KIAA0930: variants seen among roughly 807,000 people sequenced by gnomAD.
The protein encoded by KIAA0930 is uncharacterized protein KIAA0930.
A neutral mutation model predicts 43.9 loss-of-function variants in KIAA0930; 24 were observed. The observed-to-expected ratio is 0.55, with a 90% CI of 0.40 to 0.77. The LOEUF (loss-of-function observed/expected upper bound fraction) is 0.77, where lower values mean the gene tolerates loss of function less well. Among genes scored for constraint, KIAA0930 ranks in the 30% least tolerant of loss-of-function variants. KIAA0930 has a pLI of 0.00. For synonymous variants in KIAA0930, 259 were observed against 216.4 expected, an observed-to-expected ratio of 1.20 and a Z score of -1.73; for missense variants, 461 against 574.2, an observed-to-expected ratio of 0.80 and a Z score of 2.02.
chr22:45,205,700 T>C lies in KIAA0930; in HGVS notation c.344A>G (p.Tyr115Cys). The stretch of plus-strand genomic sequence containing the variant: ...TGTGCACACCGCACAGGTCACCATG[T>C]AGTCCAGCTGGAAGAGAGCACGGGT... Reference protein sequence around the residue: ...CLNLILQKLDYMVTCAVCTRA... With the variant: ...CLNLILQKLDCMVTCAVCTRA... The change falls in exon 4 of 10, where the codon TAC becomes TGC. Residue 115 changes from tyrosine to cysteine, a missense_variant. Coordinates refer to ENST00000336156, the MANE Select transcript of KIAA0930 (RefSeq NM_001009880.2). 6.2e-7 allele frequency: 1 copy of C among 1,614,136 alleles called. No homozygotes were observed. Among genetic ancestry groups the C allele is most frequent in the Middle Eastern group, 1.6e-4 (1 of 6,062 alleles).
At chr22:45,198,924 T>C (rs2083561313) in intron 8 of KIAA0930, among the ~76,000 whole-genome samples, 1 of 152,212 alleles carries the variant, frequency 6.6e-6, no homozygotes, top group African/African-American at 2.4e-5. Flanking sequence ...GTGCTGGAAT[T>C]ACAGGGGTGA....
At chr22:45,200,151 G>GCTGGCCCAGGAGGACC (rs2083574600) in intron 7 of KIAA0930, 116 bp from the exon 8 acceptor site, 1 of 1,091,436 alleles carries the variant, frequency 9.2e-7, no homozygotes, top group African/African-American at 1.7e-5. Context: ...GGAAGAGGCC[G>GCTGGCCCAGGAGGACC]CTGGCCCAGG....
chr22:45,225,957 C>T (rs999757994), intron 1 of KIAA0930, among the ~76,000 whole-genome samples: 1 of 152,264 alleles, frequency 6.6e-6, no homozygotes, highest in Non-Finnish European at 1.5e-5. Context: ...TGCAAAGCCA[C>T]GCTCCTGGCT....
At chr22:45,236,730 C>G (rs572844882) in intron 1 of KIAA0930, among the ~76,000 whole-genome samples, 6 of 152,328 alleles carry the variant, frequency 3.9e-5, no homozygotes, top group African/African-American at 1.2e-4. Context: ...TTACTTCCCC[C>G]CAACCTGTGT....
chr22:45,229,338 G>T (rs5766570), intron 1 of KIAA0930, among the ~76,000 whole-genome samples: 4,625 of 12,808 alleles, frequency 0.36, 44 homozygotes, highest in Non-Finnish European at 0.39. Flanking sequence ...ACCACTCACC[G>T]GAAAGATCCC....
At chr22:45,212,153 G>C (rs969410519) in intron 1 of KIAA0930, 46 bp from the exon 2 acceptor site, 1 of 1,613,534 alleles carries the variant, frequency 6.2e-7, no homozygotes, top group African/African-American at 1.3e-5. Context: ...GGCCACCCTG[G>C]CCCTTGCAGC....
intron 7 of KIAA0930, chr22:45,200,299 AC>A (rs746653552): frequency 1.5e-5 from 6 of 405,870 alleles, no homozygotes; most frequent in African/African-American, 8.3e-5. Flanking sequence ...TGGCAGAAAG[AC>A]CCCCCTCCTC....
At chr22:45,228,646 C>T (rs1029089329) in intron 1 of KIAA0930, among the ~76,000 whole-genome samples, 1 of 151,740 alleles carries the variant, frequency 6.6e-6, no homozygotes, top group Non-Finnish European at 1.5e-5. Flanking sequence ...CGCTCAAGGG[C>T]CAGTTCCCCA....
At chr22:45,219,834 G>A (rs982234361) in intron 1 of KIAA0930, among the ~76,000 whole-genome samples, 1 of 151,946 alleles carries the variant, frequency 6.6e-6, no homozygotes, top group African/African-American at 2.4e-5. Context: ...CAAGCAATCC[G>A]CCTGCTTGGC....
At chr22:45,212,538 C>T in intron 1 of KIAA0930, 2 of 1,402,806 alleles carry the variant, frequency 1.4e-6, no homozygotes, top group South Asian at 1.7e-5. Context: ...CACCCACTCC[C>T]CCTGGCTGCG....
chr22:45,222,985 G>A (rs367987857), intron 1 of KIAA0930, among the ~76,000 whole-genome samples: 2 of 152,238 alleles, frequency 1.3e-5, no homozygotes, highest in South Asian at 2.1e-4. Flanking sequence ...CAGTAGGAAC[G>A]TAAACTGCCA....
intron 1 of KIAA0930, among the ~76,000 whole-genome samples, chr22:45,238,737 C>T (rs2083900812): frequency 1.3e-5 from 2 of 152,078 alleles, no homozygotes; most frequent in African/African-American, 4.8e-5. Flanking sequence ...GACAAGGAAA[C>T]AGCGTGAGTA....
intron 1 of KIAA0930, among the ~76,000 whole-genome samples, chr22:45,217,400 T>C (rs2083740798): frequency 1.4e-5 from 2 of 144,668 alleles, no homozygotes; most frequent in Non-Finnish European, 3.0e-5. Context: ...ACACCATATT[T>C]AACATATAGT....
intron 1 of KIAA0930, chr22:45,226,363 C>T (rs1432077867): frequency 2.1e-6 from 1 of 470,708 alleles, no homozygotes; most frequent in South Asian, 1.5e-5. Flanking sequence ...GCCTGCTCTG[C>T]CCCAGGCGCT....
intron 7 of KIAA0930, chr22:45,201,082 C>G (rs2147736180): frequency 2.1e-6 from 1 of 475,170 alleles, no homozygotes; most frequent in Admixed American, 2.2e-5. Context: ...GCCCCGTCAG[C>G]CTCCTCGTCA....
intron 1 of KIAA0930, chr22:45,212,331 C>G: frequency 6.2e-7 from 1 of 1,611,996 alleles, no homozygotes; most frequent in African/African-American, 1.3e-5. Flanking sequence ...TCAGCAGCAG[C>G]CTGAGAGCCC....
intron 2 of KIAA0930, 98 bp downstream of exon 2, chr22:45,211,858 G>T: frequency 8.4e-7 from 1 of 1,185,112 alleles, no homozygotes; most frequent in Non-Finnish European, 1.2e-6. Flanking sequence ...TCTTTGATAT[G>T]CATGAGCACT....
At chr22:45,239,362 C>T (rs1866140159) in intron 1 of KIAA0930, among the ~76,000 whole-genome samples, 1 of 152,234 alleles carries the variant, frequency 6.6e-6, no homozygotes, top group South Asian at 2.1e-4. Flanking sequence ...AAAAGTAAAT[C>T]TTGACACCTT....
chr22:45,197,759 G>A (rs2083550384), intron 9 of KIAA0930, 31 bp downstream of exon 9: 3 of 1,611,312 alleles, frequency 1.9e-6, no homozygotes, highest in African/African-American at 1.3e-5. Context: ...GTGAGAAGGT[G>A]CGGCTGCTTC....
Sources: gnomAD v4.1 joint callset for allele counts (sites outside exome capture counted in the v4.1 genomes callset) on GRCh38, gnomAD v4.1.1 for gene constraint, MANE v1.5 for transcripts, NCBI Gene and HGNC (gene_info 2026-07-23, HGNC 2026-07-21) for gene names.